MAGT1: variants seen among roughly 807,000 people sequenced by gnomAD.
MAGT1 encodes dolichyl-diphosphooligosaccharide--protein glycosyltransferase subunit MAGT1.
MAGT1 carries 4 observed loss-of-function variants against 28.4 expected under a neutral mutation model. The observed-to-expected ratio is 0.14, with a 90% CI of 0.07 to 0.32. The LOEUF (loss-of-function observed/expected upper bound fraction) is 0.32, where lower values mean the gene tolerates loss of function less well. MAGT1 is among the 10% of genes least tolerant of loss of function. MAGT1 has a pLI of 1.00. For synonymous variants in MAGT1, 89 were observed against 89.7 expected, an observed-to-expected ratio of 0.99 and a Z score of 0.04; for missense variants, 193 against 264.5, an observed-to-expected ratio of 0.73 and a Z score of 1.88.
At chrX:77,879,761 A>C (rs2077045730) in intron 1 of MAGT1, among the ~76,000 whole-genome samples, 1 of 110,507 alleles carries the variant, frequency 9.0e-6, no homozygotes, top group South Asian at 3.8e-4. Flanking sequence ...CTGCACACGT[A>C]AACACTTACA....
At chrX:77,836,887 C>T (rs1309666979) in intron 8 of MAGT1, among the ~76,000 whole-genome samples, 1 of 110,909 alleles carries the variant, frequency 9.0e-6, no homozygotes, top group African/African-American at 3.3e-5. Context: ...CAGAGTGAGA[C>T]CCTGTCTCAG....
At position 77,867,435 on chromosome X, in the gene MAGT1, C is replaced by T. The variant is rs1281799226; in HGVS notation, c.390+3373G>A. Among the ~76,000 whole-genome samples, 2 of 67,125 alleles carry T rather than the reference C, an allele frequency of 3.0e-5. 1 individual carries two copies. The highest frequency in any genetic ancestry group is 6.9e-5 in the African/African-American group (2 of 28,908). 58.3% of individuals were successfully genotyped at this position (67,125 alleles called of 115,157 possible). A position where few individuals can be genotyped will look rare whatever the true frequency, so the allele number is the denominator to read the frequency against. ...ACTGATCTCAAGCAATCCTCCTGAT[C>T]CAGCCTTCCGAGTAGCTGACCACTG... is the stretch of plus-strand genomic sequence containing the variant. On this transcript the variant is annotated intron_variant, in intron 3 of 9. Coordinates refer to ENST00000618282, the MANE Select transcript of MAGT1 (RefSeq NM_001367916.1).
intron 1 of MAGT1, among the ~76,000 whole-genome samples, chrX:77,877,973 T>C (rs1486819310): frequency 9.3e-6 from 1 of 107,991 alleles, no homozygotes; most frequent in African/African-American, 3.4e-5. Context: ...GGAAAACAGT[T>C]TGGCAGTCTT....
At chrX:77,861,883 T>G (rs2076995650) in intron 3 of MAGT1, among the ~76,000 whole-genome samples, 2 of 111,353 alleles carry the variant, frequency 1.8e-5, no homozygotes, top group Non-Finnish European at 3.8e-5. Flanking sequence ...AGAATGGTGG[T>G]TGTCAGGAAC....
At chrX:77,834,650 T>C (rs2076911317) in intron 8 of MAGT1, among the ~76,000 whole-genome samples, 1 of 110,264 alleles carries the variant, frequency 9.1e-6, no homozygotes, top group South Asian at 3.9e-4. Flanking sequence ...TGCAAACTAT[T>C]AATATGAAAC....
chrX:77,864,119 T>C (rs2077002263), intron 3 of MAGT1, among the ~76,000 whole-genome samples: 1 of 110,847 alleles, frequency 9.0e-6, no homozygotes, highest in African/African-American at 3.3e-5. Context: ...GAACTGGAAG[T>C]TATTATGTGA....
At chrX:77,875,103 T>G (rs1368709777) in intron 2 of MAGT1, among the ~76,000 whole-genome samples, 6 of 110,043 alleles carry the variant, frequency 5.5e-5, no homozygotes, top group African/African-American at 2.0e-4. Context: ...CCTCAGATGA[T>G]CCACCTGCCT....
At chrX:77,836,446 G>A (rs1463373270) in intron 8 of MAGT1, among the ~76,000 whole-genome samples, 3 of 111,753 alleles carry the variant, frequency 2.7e-5, no homozygotes, top group Non-Finnish European at 3.8e-5. Context: ...TGCAGTCTCC[G>A]TGATGTGACT....
chrX:77,829,618 G>T (rs2076892257), intron 9 of MAGT1, among the ~76,000 whole-genome samples: 1 of 110,543 alleles, frequency 9.0e-6, no homozygotes, highest in Non-Finnish European at 1.9e-5. Context: ...AATCAACTCT[G>T]CTGATCAAAT....
chrX:77,878,494 G>GA (rs1319932520), intron 1 of MAGT1, among the ~76,000 whole-genome samples: 58 of 77,984 alleles, frequency 7.4e-4, no homozygotes, highest in South Asian at 1.3e-3. Context: ...AAGAAAAAAA[G>GA]AAAAAAAAAA....
At chrX:77,829,781 C>T (rs965554275) in intron 9 of MAGT1, among the ~76,000 whole-genome samples, 7 of 110,818 alleles carry the variant, frequency 6.3e-5, no homozygotes, top group Non-Finnish European at 1.1e-4. Context: ...AAAGTAGAGG[C>T]GAGAAGAAGT....
rs1289131186 is a variant in MAGT1, at chrX:77,845,339, C to T, written c.827-4019G>A. ...TATTTTGAGCCTATGTGTGTCTCTG[C>T]ACGTGAGATGGGTCTCCTGAATACA... On this transcript the variant is annotated intron_variant, in intron 7 of 9. Coordinates refer to ENST00000618282, the MANE Select transcript of MAGT1 (RefSeq NM_001367916.1). 4.6e-4 allele frequency among the ~76,000 whole-genome samples: 51 copies of T among 111,507 alleles called. 1 individual carries two copies. Among genetic ancestry groups the T allele is most frequent in the Admixed American group, 1.3e-3 (13 of 10,344 alleles).
chrX:77,839,510 ATTT>A (rs35868006), intron 8 of MAGT1, among the ~76,000 whole-genome samples: 1 of 80,385 alleles, frequency 1.2e-5, no homozygotes, highest in Non-Finnish European at 2.4e-5. Context: ...CGCCTGGCTA[ATTT>A]TTTTTTTTTT....
intron 1 of MAGT1, among the ~76,000 whole-genome samples, chrX:77,884,881 G>C (rs781981867): frequency 9.4e-6 from 1 of 106,782 alleles, no homozygotes; most frequent in Admixed American, 1.0e-4. Flanking sequence ...TGAGGAGATC[G>C]AGACCATGGT....
At chrX:77,856,574 T>C (rs1248488569) in intron 5 of MAGT1, 159 bp downstream of exon 5, 1 of 518,340 alleles carries the variant, frequency 1.9e-6, no homozygotes, top group African/African-American at 2.4e-5. Flanking sequence ...AGATAATGAA[T>C]GAAACAAACT....
intron 1 of MAGT1, 57 bp downstream of exon 1, chrX:77,895,251 AC>A: frequency 2.6e-6 from 3 of 1,150,911 alleles, no homozygotes; most frequent in East Asian, 3.0e-5. Flanking sequence ...AGGCGAACAG[AC>A]CCTCTTAAGC....
intron 7 of MAGT1, 147 bp downstream of exon 7, chrX:77,853,754 G>C (rs1160941633): frequency 3.9e-6 from 2 of 518,077 alleles, no homozygotes; most frequent in Non-Finnish European, 6.8e-6. Context: ...TGGTTTATTG[G>C]GCTGGAGAGG....
intron 8 of MAGT1, among the ~76,000 whole-genome samples, chrX:77,834,463 AGCTGGGACTACAG>A (rs1258031673): frequency 9.3e-6 from 1 of 107,389 alleles, no homozygotes; most frequent in Non-Finnish European, 1.9e-5. Flanking sequence ...CCTCCCAAGT[AGCTGGGACTACAG>A]GCACACACCA....
chrX:77,853,296 T>A (rs1461259743), intron 7 of MAGT1, among the ~76,000 whole-genome samples: 6 of 112,166 alleles, frequency 5.3e-5, no homozygotes, highest in African/African-American at 1.6e-4. Context: ...TACTGAGGAA[T>A]ATTGGTCTTT....
Sources: gnomAD v4.1 joint callset for allele counts (sites outside exome capture counted in the v4.1 genomes callset) on GRCh38, gnomAD v4.1.1 for gene constraint, MANE v1.5 for transcripts, NCBI Gene and HGNC (gene_info 2026-07-23, HGNC 2026-07-21) for gene names.